Variants in ODR4 observed in about 807,000 individuals in gnomAD.
ODR4 encodes protein odr-4 homolog.
Under a neutral mutation model 60.2 loss-of-function variants are expected in ODR4, and 47 were observed. The ratio of observed to expected loss-of-function variants is 0.78; its 90% CI spans 0.62 to 1.00. ODR4 has a LOEUF of 1.00. ODR4 is among the 50% of genes least tolerant of loss of function. The pLI, the probability that ODR4 is intolerant of heterozygous loss-of-function variation, is 0.00. For synonymous variants in ODR4, 178 were observed against 175.5 expected (o/e 1.01, Z -0.11); for missense variants, 488 against 530.8 (o/e 0.92, Z 0.79).
At chr1:186,413,952 A>G (rs1416598939) in intron 12 of ODR4, among the ~76,000 whole-genome samples, 3 of 152,154 alleles carry the variant, frequency 2.0e-5, no homozygotes, top group Non-Finnish European at 4.4e-5. Context: ...TACTCTTAAC[A>G]TGATCAGTTT....
chr1:186,391,892 T>C (rs2102038381), intron 8 of ODR4, 101 bp downstream of exon 8: 1 of 700,448 alleles, frequency 1.4e-6, no homozygotes, highest in African/African-American at 1.8e-5. Flanking sequence ...TGATTTCATC[T>C]ACCTCTCATT....
At chr1:186,388,331 C>A in intron 4 of ODR4, 111 bp from the exon 5 acceptor site, 1 of 597,800 alleles carries the variant, frequency 1.7e-6, no homozygotes, top group Non-Finnish European at 2.8e-6. Flanking sequence ...AATAAAGAAT[C>A]ATGGAATTTT....
intron 12 of ODR4, among the ~76,000 whole-genome samples, chr1:186,413,643 CAG>C (rs963124534): frequency 3.9e-5 from 6 of 152,078 alleles, no homozygotes; most frequent in African/African-American, 1.4e-4. Context: ...TTGCCAATAT[CAG>C]AGCTGAGATT....
At chr1:186,385,905 A>G in intron 3 of ODR4, 83 bp from the exon 4 acceptor site, 1 of 803,514 alleles carries the variant, frequency 1.2e-6, no homozygotes, top group Non-Finnish European at 2.0e-6. Flanking sequence ...AAAGCTAAGG[A>G]CATGCTAAGC....
intron 3 of ODR4, among the ~76,000 whole-genome samples, chr1:186,383,533 TA>T (rs1558060960): frequency 6.6e-6 from 1 of 152,168 alleles, no homozygotes; most frequent in Admixed American, 6.5e-5. Context: ...CACGTAAACC[TA>T]TGTGACAGAC....
chr1:186,398,879 T>A (rs1267975644), intron 10 of ODR4, 75 bp from the exon 11 acceptor site: 1 of 1,083,368 alleles, frequency 9.2e-7, no homozygotes, highest in African/African-American at 1.6e-5. Context: ...GCAAATTATT[T>A]TTTTTGTTAG....
At chr1:186,395,563 T>C (rs1660640034) in intron 9 of ODR4, among the ~76,000 whole-genome samples, 1 of 152,216 alleles carries the variant, frequency 6.6e-6, no homozygotes, top group Non-Finnish European at 1.5e-5. Context: ...ATTAAGCTTT[T>C]CTTTTATTTT....
At chr1:186,399,948 T>G (rs919211312) in intron 11 of ODR4, among the ~76,000 whole-genome samples, 8 of 151,806 alleles carry the variant, frequency 5.3e-5, no homozygotes, top group African/African-American at 1.7e-4. Context: ...TTGAGTACAC[T>G]TTTTAAAGCT....
At chr1:186,403,309 G>C (rs779685152) in intron 11 of ODR4, among the ~76,000 whole-genome samples, 12 of 151,888 alleles carry the variant, frequency 7.9e-5, no homozygotes, top group Non-Finnish European at 1.5e-4. Flanking sequence ...AGGTATATGA[G>C]ATGTTTTGTT....
Position 186,416,341 on chromosome 1 carries a change from G to A in ODR4, c.1187-1203G>A, listed in dbSNP as rs148173698. Among the ~76,000 whole-genome samples, 24 of 152,168 alleles carry A rather than the reference G, an allele frequency of 1.6e-4. No individual in the cohort carries two copies. In the East Asian group the frequency reaches 4.3e-3, roughly 27 times the overall value. On this transcript the variant is annotated intron_variant, in intron 12 of 13. Coordinates refer to ENST00000287859, the MANE Select transcript of ODR4 (RefSeq NM_017847.6). ...ACTTATAGTCAGGAGTCCGAGACCAGCCTGGCCAACATGGTGAAATCCCAT... is the reference window on the plus strand; with the variant it reads ...ACTTATAGTCAGGAGTCCGAGACCAACCTGGCCAACATGGTGAAATCCCAT...
chr1:186,408,886 T>A (rs1201000326), intron 12 of ODR4, among the ~76,000 whole-genome samples: 1 of 152,064 alleles, frequency 6.6e-6, no homozygotes, highest in African/African-American at 2.4e-5. Context: ...TAAATAATTC[T>A]TAAAAATATT....
At chr1:186,399,114 C>A in intron 11 of ODR4, 70 bp downstream of exon 11, 1 of 931,040 alleles carries the variant, frequency 1.1e-6, no homozygotes, top group Non-Finnish European at 1.7e-6. Context: ...CAAGATATAG[C>A]AGATACGTCA....
intron 13 of ODR4, 52 bp downstream of exon 13, chr1:186,417,706 T>G (rs986410990): frequency 1.0e-6 from 1 of 980,678 alleles, no homozygotes; most frequent in Non-Finnish European, 1.6e-6. Context: ...AGATTTGAGT[T>G]TTCTTGTTAC....
In ODR4 at chr1:186,406,168, T is replaced by C. The variant is rs1293895816; in HGVS notation, c.1086T>C (p.Phe362=). Residue 362 remains phenylalanine (F), a synonymous_variant, in exon 12 of 14, where the codon TTT becomes TTC. Transcript: ENST00000287859. Reference sequence around the variant, plus strand: ...CTGTAATGTTGTGTGATTATAAATTTGACGATGAGTCAGCTGAAGAAATCA... The same window carrying C: ...CTGTAATGTTGTGTGATTATAAATTCGACGATGAGTCAGCTGAAGAAATCA... The part of the protein sequence containing the change: ...GSTVMLCDYK[F]DDESAEEIRD... 6.2e-7 allele frequency: 1 copy of C among 1,612,716 alleles called. No homozygotes were observed. The highest frequency in any genetic ancestry group is 1.3e-5 in the African/African-American group (1 of 74,880).
intron 12 of ODR4, among the ~76,000 whole-genome samples, chr1:186,415,395 A>G (rs1266552704): frequency 2.0e-5 from 3 of 152,214 alleles, no homozygotes; most frequent in Admixed American, 2.0e-4. Flanking sequence ...TAAATTCAAC[A>G]ATAGGCTATT....
intron 2 of ODR4, among the ~76,000 whole-genome samples, chr1:186,381,922 C>G (rs1310022228): frequency 2.0e-5 from 3 of 152,074 alleles, no homozygotes; most frequent in African/African-American, 7.2e-5. Context: ...TATTTTCTAT[C>G]CCAAGATGAT....
At chr1:186,410,830 AC>A (rs139222677) in intron 12 of ODR4, among the ~76,000 whole-genome samples, 6,864 of 152,158 alleles carry the variant, frequency 0.045, 505 homozygotes, top group African/African-American at 0.16. Context: ...AGCCTGACCA[AC>A]ATGGAGAAAC....
At chr1:186,418,612 G>A (rs16825335) in intron 13 of ODR4, among the ~76,000 whole-genome samples, 29,658 of 152,094 alleles carry the variant, frequency 0.19, 3,393 homozygotes, top group African/African-American at 0.31. Context: ...AAGTTACACA[G>A]GTGGCTTTAT....
At chr1:186,392,102 C>G (rs1476668027) in intron 8 of ODR4, among the ~76,000 whole-genome samples, 1 of 152,060 alleles carries the variant, frequency 6.6e-6, no homozygotes, top group African/African-American at 2.4e-5. Flanking sequence ...TCACACCAGT[C>G]AGAATCGCTG....
Sources: gnomAD v4.1 joint callset for allele counts (sites outside exome capture counted in the v4.1 genomes callset) on GRCh38, gnomAD v4.1.1 for gene constraint, MANE v1.5 for transcripts, NCBI Gene and HGNC (gene_info 2026-07-23, HGNC 2026-07-21) for gene names.